Variants in GPC5 observed in about 807,000 individuals in gnomAD.
The protein encoded by GPC5 is glypican 5.
Under a neutral mutation model 53.9 loss-of-function variants are expected in GPC5, and 47 were observed. The ratio of observed to expected loss-of-function variants is 0.87; its 90% CI spans 0.69 to 1.11. The LOEUF is 1.11. Among genes scored for constraint, GPC5 ranks in the 50% most tolerant of loss-of-function variants. The pLI is 0.00. For missense variants in GPC5, 748 were observed against 713.1 expected (o/e 1.05, Z -0.56); for synonymous variants, 286 against 263.3 (o/e 1.09, Z -0.84).
chr13:92,284,765 A>T (rs2042941697), intron 7 of GPC5, among the ~76,000 whole-genome samples: 1 of 152,194 alleles, frequency 6.6e-6, no homozygotes, highest in African/African-American at 2.4e-5. Flanking sequence ...GCTATTTATG[A>T]CAAACTCACA....
chr13:91,849,768 A>G (rs962826660), intron 5 of GPC5, among the ~76,000 whole-genome samples: 3 of 152,210 alleles, frequency 2.0e-5, no homozygotes, highest in Non-Finnish European at 2.9e-5. Context: ...GCTTAATATC[A>G]TCTGTGGTAC....
At chr13:92,573,917 A>G (rs1421481340) in intron 7 of GPC5, among the ~76,000 whole-genome samples, 3 of 152,126 alleles carry the variant, frequency 2.0e-5, no homozygotes, top group African/African-American at 7.2e-5. Flanking sequence ...GTGAATGTGC[A>G]TCAGATCTGG....
Position 91,641,201 on chromosome 13 carries a change from G to A in GPC5, c.326-51986G>A, listed in dbSNP as rs1209323883. Among the ~76,000 whole-genome samples the A allele has an allele frequency of 2.0e-5, 3 of 151,640 alleles. No individual in the cohort carries two copies. The South Asian group carries it at 6.3e-4, about 32-fold the overall frequency. On this transcript the variant is annotated intron_variant, in intron 2 of 7. Coordinates refer to ENST00000377067, the MANE Select transcript of GPC5 (RefSeq NM_004466.6). Reference sequence around the variant, plus strand: ...AAATTAGCCAGGCGTGGTGGCGGGCGCCTGTAGTCCCAGCTACTCGGGAGG... The same window carrying A: ...AAATTAGCCAGGCGTGGTGGCGGGCACCTGTAGTCCCAGCTACTCGGGAGG...
chr13:91,693,203 C>T lies in GPC5; in HGVS notation c.342C>T (p.Leu114=). ...AAAFQETLET[L]IKQAENYTSI... is the part of the protein sequence containing the mutation. The stretch of plus-strand genomic sequence containing the variant: ...GTGTTACAGAAACCCTTGAAACTCT[C>T]ATCAAACAAGCAGAAAATTACACCA... The change falls in exon 3 of 8, where the codon CTC becomes CTT. Residue 114 remains leucine, a synonymous_variant. Transcript: ENST00000377067. The T allele has an allele frequency of 1.2e-6, 2 of 1,612,854 alleles. No homozygotes were observed. The highest frequency in any genetic ancestry group is 1.7e-6 in the Non-Finnish European group (2 of 1,179,304).
chr13:92,001,306 G>A (rs1052618331), intron 6 of GPC5, among the ~76,000 whole-genome samples: 2 of 152,072 alleles, frequency 1.3e-5, no homozygotes, highest in African/African-American at 4.8e-5. Context: ...AAGGGATTTT[G>A]TTTTTTCATG....
chr13:92,404,333 C>T (rs1875699556), intron 7 of GPC5, among the ~76,000 whole-genome samples: 1 of 152,006 alleles, frequency 6.6e-6, no homozygotes, highest in South Asian at 2.1e-4. Flanking sequence ...GTCTGTGTCA[C>T]CAGAAACTAG....
chr13:92,742,546 A>G (rs1356581025), intron 7 of GPC5, among the ~76,000 whole-genome samples: 5 of 146,340 alleles, frequency 3.4e-5, no homozygotes, highest in African/African-American at 1.2e-4. Flanking sequence ...GTTCACTCTG[A>G]CGGTAGTTTC....
chr13:91,721,599 G>A (rs2036475604), intron 3 of GPC5, among the ~76,000 whole-genome samples: 2 of 152,120 alleles, frequency 1.3e-5, no homozygotes, highest in African/African-American at 2.4e-5. Flanking sequence ...AGAGCATGTG[G>A]GAAACTACCC....
chr13:92,588,778 C>G (rs537099622), intron 7 of GPC5, among the ~76,000 whole-genome samples: 1 of 152,140 alleles, frequency 6.6e-6, no homozygotes, highest in African/African-American at 2.4e-5. Context: ...GAAAATTGTC[C>G]CGGTCCCTGA....
At chr13:92,736,569 C>A (rs909956369) in intron 7 of GPC5, among the ~76,000 whole-genome samples, 5 of 151,908 alleles carry the variant, frequency 3.3e-5, no homozygotes, top group African/African-American at 1.2e-4. Context: ...GTGACTTTCT[C>A]AAACAAGCTG....
intron 7 of GPC5, among the ~76,000 whole-genome samples, chr13:92,712,026 C>T (rs1888156322): frequency 6.6e-6 from 1 of 151,146 alleles, no homozygotes; most frequent in Admixed American, 6.6e-5. Context: ...AAATAAACCC[C>T]TAACAAGCAG....
At chr13:91,404,915 A>AG (rs1003544214) in intron 1 of GPC5, among the ~76,000 whole-genome samples, 4 of 152,174 alleles carry the variant, frequency 2.6e-5, no homozygotes, top group African/African-American at 9.7e-5. Flanking sequence ...ATATAGAATA[A>AG]TTTCCTTTTT....
chr13:92,833,408 T>C (rs980586542), intron 7 of GPC5, among the ~76,000 whole-genome samples: 2 of 152,292 alleles, frequency 1.3e-5, no homozygotes, highest in African/African-American at 2.4e-5. Context: ...TCCAAATACC[T>C]AGTTCTCTGA....
At chr13:92,826,817 A>G (rs1877866066) in intron 7 of GPC5, among the ~76,000 whole-genome samples, 1 of 151,924 alleles carries the variant, frequency 6.6e-6, no homozygotes, top group African/African-American at 2.4e-5. Context: ...TTTTGTCCTT[A>G]TTACTTTGAG....
chr13:92,666,448 A>C (rs1886568130), intron 7 of GPC5, among the ~76,000 whole-genome samples: 2 of 152,182 alleles, frequency 1.3e-5, no homozygotes, highest in South Asian at 4.1e-4. Context: ...GCTTTTCATA[A>C]TATAACAAAC....
chr13:91,844,874 C>T (rs1209813717), intron 5 of GPC5, among the ~76,000 whole-genome samples: 1 of 151,854 alleles, frequency 6.6e-6, no homozygotes, highest in Non-Finnish European at 1.5e-5. Flanking sequence ...TACAGGTGCC[C>T]GCCACCATGC....
chr13:92,111,584 A>AC (rs901867595), intron 6 of GPC5, among the ~76,000 whole-genome samples: 22 of 47,406 alleles, frequency 4.6e-4, no homozygotes, highest in African/African-American at 1.4e-3. Context: ...TCTGCCCCAC[A>AC]AAAAAAAAAT....
At chr13:91,496,882 T>A (rs1189045113) in intron 2 of GPC5, among the ~76,000 whole-genome samples, 1 of 152,204 alleles carries the variant, frequency 6.6e-6, no homozygotes, top group Non-Finnish European at 1.5e-5. Context: ...GTATCTCATG[T>A]ACCCCATAAA....
chr13:91,472,672 T>G (rs1882701844), intron 2 of GPC5, among the ~76,000 whole-genome samples: 1 of 152,216 alleles, frequency 6.6e-6, no homozygotes, highest in Non-Finnish European at 1.5e-5. Flanking sequence ...TAAATATGTT[T>G]GTATTATTAA....
Sources: allele counts gnomAD v4.1 joint callset (sites outside exome capture counted in the v4.1 genomes callset), GRCh38; gene constraint gnomAD v4.1.1; transcripts MANE v1.5; gene names NCBI Gene and HGNC (gene_info 2026-07-23, HGNC 2026-07-21).